The following CLEC19A variants were observed in gnomAD, a reference collection of about 807,000 sequenced individuals.
CLEC19A encodes the protein C-type lectin domain family 19 member A.
CLEC19A carries 21 observed loss-of-function variants against 26.1 expected under a neutral mutation model. The observed-to-expected ratio is 0.80, with a 90% confidence interval of 0.57 to 1.16. The LOEUF (loss-of-function observed/expected upper bound fraction) is 1.16. Among genes scored for constraint, CLEC19A ranks in the 50% most tolerant of loss-of-function variants. The probability of loss-of-function intolerance (pLI) is 0.00; values close to 1 mark genes in which losing one functional copy is unlikely to be tolerated. For synonymous variants in CLEC19A, 89 were observed against 88.6 expected (o/e 1.00, Z -0.03); for missense variants, 224 against 227.6 (o/e 0.98, Z 0.10).
chr16:19,287,655 G>A (rs2143008294), intron 1 of CLEC19A, among the ~76,000 whole-genome samples: 1 of 152,332 alleles, frequency 6.6e-6, no homozygotes, highest in African/African-American at 2.4e-5. Flanking sequence ...GACTGAGTTT[G>A]AAAGCGGGAG....
intron 1 of CLEC19A, among the ~76,000 whole-genome samples, chr16:19,289,777 C>G (rs948905221): frequency 5.3e-5 from 8 of 152,218 alleles, no homozygotes; most frequent in African/African-American, 1.9e-4. Flanking sequence ...ATAGGAGAGA[C>G]CTGGTGCCAC....
chr16:19,298,317 G>A (rs1034868801), intron 1 of CLEC19A, among the ~76,000 whole-genome samples: 1 of 151,120 alleles, frequency 6.6e-6, no homozygotes, highest in Admixed American at 6.6e-5. Context: ...TTGGGAGGCT[G>A]AAGCAGGAGG....
chr16:19,302,203 G>T (rs1221333022), intron 2 of CLEC19A, among the ~76,000 whole-genome samples: 1 of 152,048 alleles, frequency 6.6e-6, no homozygotes, highest in Non-Finnish European at 1.5e-5. Flanking sequence ...CAAATTCTGA[G>T]TGCCAGAATT....
chr16:19,307,722 G>C (rs1897987052), intron 4 of CLEC19A, 45 bp downstream of exon 4: 1 of 1,544,738 alleles, frequency 6.5e-7, no homozygotes, highest in Non-Finnish European at 8.7e-7. Context: ...AGCCCAGGAG[G>C]TGTCACAGGT....
Position 19,310,109 on chromosome 16 carries a change from A to G in CLEC19A, c.*1026A>G, listed in dbSNP as rs1898039617. On this transcript the variant is annotated 3_prime_UTR_variant, in exon 5 of 5. Transcript: ENST00000636231. ...AGTTCCTCAAAAAGTTAAACATAGAATTACATCTAAGCCAGCAATTCCACT... is the reference window on the plus strand; with the variant it reads ...AGTTCCTCAAAAAGTTAAACATAGAGTTACATCTAAGCCAGCAATTCCACT... 6.6e-6 allele frequency: 1 copy of G among 152,178 alleles called. No individual in the cohort carries two copies. The highest frequency in any genetic ancestry group is 1.5e-5 in the Non-Finnish European group (1 of 68,044). 9.4% of individuals were successfully genotyped at this position (152,178 alleles called of 1,614,324 possible).
chr16:19,305,472 T>C (rs1897932050), intron 3 of CLEC19A, among the ~76,000 whole-genome samples: 1 of 152,212 alleles, frequency 6.6e-6, no homozygotes, highest in Non-Finnish European at 1.5e-5. Flanking sequence ...TGGAGATTTT[T>C]GTCCTCAAAT....
intron 1 of CLEC19A, among the ~76,000 whole-genome samples, chr16:19,289,142 A>G (rs1897530083): frequency 6.6e-6 from 1 of 152,168 alleles, no homozygotes. Flanking sequence ...CTGAAGTTGG[A>G]GCATAGAGAC....
At chr16:19,304,239 C>T (rs1897901653) in intron 3 of CLEC19A, 84 bp downstream of exon 3, 1 of 1,121,968 alleles carries the variant, frequency 8.9e-7, no homozygotes, top group East Asian at 2.6e-5. Flanking sequence ...ACATCAGTGC[C>T]AGGTCACGGC....
At chr16:19,308,284 C>T (rs1567257782) in intron 4 of CLEC19A, among the ~76,000 whole-genome samples, 2 of 152,294 alleles carry the variant, frequency 1.3e-5, no homozygotes, top group East Asian at 1.9e-4. Context: ...AGCATGGACT[C>T]GGGAGTTGAC....
At chr16:19,301,735 GGT>G (rs1567255376) in intron 2 of CLEC19A, among the ~76,000 whole-genome samples, 2 of 35,126 alleles carry the variant, frequency 5.7e-5, no homozygotes, top group African/African-American at 2.7e-4. Context: ...AGGTTTTTTT[GGT>G]TTTTTTTTTT....
At chr16:19,307,756 G>A (rs1443451064) in intron 4 of CLEC19A, 79 bp downstream of exon 4, 53 of 1,519,724 alleles carry the variant, frequency 3.5e-5, no homozygotes, top group Middle Eastern at 2.3e-4. Flanking sequence ...AAGGGCCTTG[G>A]GGGAAGAGGA....
chr16:19,296,195 G>T lies in CLEC19A; in HGVS notation c.89-2478G>T, dbSNP rs183424804. ...ACCCCTGGTCAGCACAGCCGCTGGG[G>T]TTGGGGACAGGCTGTTCTGGTCAAA... On this transcript the variant is annotated intron_variant, in intron 1 of 4. Coordinates refer to ENST00000636231, the MANE Select transcript of CLEC19A (RefSeq NM_001256720.2). Among the ~76,000 whole-genome samples, 894 of 152,342 alleles carry T rather than the reference G, an allele frequency of 5.9e-3. 7 individuals carry two copies. Among genetic ancestry groups the T allele is most frequent in the Non-Finnish European group, 7.6e-3 (514 of 68,036 alleles).
At chr16:19,287,578 T>C (rs1456611417) in intron 1 of CLEC19A, among the ~76,000 whole-genome samples, 1 of 152,180 alleles carries the variant, frequency 6.6e-6, no homozygotes, top group Non-Finnish European at 1.5e-5. Context: ...CAAAATATCC[T>C]TGCAGACTGC....
chr16:19,300,506 C>G (rs910876397), intron 2 of CLEC19A, among the ~76,000 whole-genome samples: 4 of 151,084 alleles, frequency 2.6e-5, no homozygotes, highest in Admixed American at 6.6e-5. Flanking sequence ...CATGTTCAGG[C>G]CACTGCACTC....
chr16:19,298,681 G>C lies in CLEC19A; in HGVS notation c.97G>C (p.Glu33Gln). Residue 33 changes from glutamate to glutamine, a missense_variant, in exon 2 of 5, where the codon GAG (glutamate) becomes CAG (glutamine). Physicochemically the swap from Glu to Gln is conservative, Grantham distance 29. Coordinates refer to ENST00000636231, the MANE Select transcript of CLEC19A (RefSeq NM_001256720.2). ...TDISISPALP[E>Q]LPLPSLCPLF... ...TTCCTTTCTGCCCCCAGCCCTGCCA[G>C]AGCTGCCCCTGCCTTCCCTGTGCCC... 2 of 1,551,038 alleles carry C rather than the reference G, an allele frequency of 1.3e-6. No individual in the cohort carries two copies. The highest frequency in any genetic ancestry group is 2.4e-5 in the South Asian group (2 of 84,030).
chr16:19,298,718 T>G lies in CLEC19A; in HGVS notation c.134T>G (p.Met45Arg). ...PLPSLCPLFWMEFKGHCYRFF... is the reference protein window; with the variant it reads ...PLPSLCPLFWREFKGHCYRFF... ...CCTTCCCTGTGCCCCCTGTTCTGGA[T>G]GGAGTTCAAAGGCCACTGCTATCGA... Residue 45 changes from methionine to arginine, a missense_variant, in exon 2 of 5, where the codon ATG becomes AGG. Transcript: ENST00000636231. 1 of 1,551,168 alleles carries G rather than the reference T, an allele frequency of 6.4e-7. No individual in the cohort carries two copies.
rs145931064 is a variant in CLEC19A, at chr16:19,286,687, T to C, written c.88+748T>C. Among the ~76,000 whole-genome samples the C allele has an allele frequency of 5.5e-3, 831 of 152,360 alleles. 6 individuals are homozygous for C. The highest frequency in any genetic ancestry group is 0.022 in the South Asian group (107 of 4,834). On this transcript the variant is annotated intron_variant, in intron 1 of 4. Transcript: ENST00000636231. The stretch of plus-strand genomic sequence containing the variant: ...ATTTGGTGGCCAAGAGTCTTGACTG[T>C]CACCTCTACCAGGTTCTTTCCAGGC...
At chr16:19,291,311 C>G (rs187357951) in intron 1 of CLEC19A, among the ~76,000 whole-genome samples, 1 of 152,266 alleles carries the variant, frequency 6.6e-6, no homozygotes, top group South Asian at 2.1e-4. Context: ...AATGAAGGAC[C>G]AGACCATCAA....
Position 19,298,771 on chromosome 16 carries a change from G to A in CLEC19A, c.187G>A (p.Glu63Lys), listed in dbSNP as rs1344574222. Reference protein sequence around the residue: ...RFFPLNKTWAEADLYCSEFSV... With the variant: ...RFFPLNKTWAKADLYCSEFSV... ...CTTCCCTCTCAATAAGACCTGGGCT[G>A]AGGCCGACCTCTACTGTTCTGAGTT... The change falls in exon 2 of 5, where the codon GAG becomes AAG. Residue 63 changes from glutamate to lysine, a missense_variant. Transcript: ENST00000636231. 6.4e-7 allele frequency: 1 copy of A among 1,550,624 alleles called. No individual in the cohort carries two copies. The highest frequency in any genetic ancestry group is 2.4e-5 in the East Asian group (1 of 40,906).
Sources: allele counts gnomAD v4.1 joint callset (sites outside exome capture counted in the v4.1 genomes callset), GRCh38; gene constraint gnomAD v4.1.1; transcripts MANE v1.5; gene names NCBI Gene and HGNC (gene_info 2026-07-23, HGNC 2026-07-21).